The following AGL variants were observed in gnomAD, a reference collection of about 807,000 sequenced individuals.
AGL encodes the protein glycogen debranching enzyme.
A neutral mutation model predicts 199.3 loss-of-function variants in AGL; 128 were observed. The observed-to-expected ratio is 0.64, with a 90% CI of 0.56 to 0.74. AGL has a LOEUF of 0.74. AGL is among the 30% of genes least tolerant of loss of function. The pLI, the probability that AGL is intolerant of heterozygous loss-of-function variation, is 0.00. For missense variants in AGL, 1,809 were observed against 1,820.8 expected (o/e 0.99, Z 0.12); for synonymous variants, 584 against 594.7 (o/e 0.98, Z 0.26).
Position 99,892,606 on chromosome 1 carries a change from A to T in AGL, c.3258A>T (p.Ala1086=), listed in dbSNP as rs779468425. ...AGCAATGTTGTGTTTCTCTAGCTGC[A>T]GGTAAGGAATTATGTACAAGGTTAA... ...EKEQCCVSLA[A]GLPHFSSGIF... The change falls in exon 24 of 34, where the codon GCA becomes GCT. Residue 1086 remains alanine, a splice_region_variant and synonymous_variant. Coordinates refer to ENST00000361915, the MANE Select transcript of AGL (RefSeq NM_000642.3). The T allele has an allele frequency of 6.8e-6, 11 of 1,613,080 alleles. No homozygotes were observed. In the East Asian group the frequency reaches 2.5e-4, roughly 36 times the overall value.
At chr1:99,915,563 T>TG in intron 31 of AGL, 77 bp downstream of exon 31, 1 of 1,246,436 alleles carries the variant, frequency 8.0e-7, no homozygotes, top group Admixed American at 2.1e-5. Context: ...ATTTTTTTTT[T>TG]TTTGCCAGGG....
Position 99,915,481 on chromosome 1 carries a change from T to C in AGL, c.4254T>C (p.Asp1418=), listed in dbSNP as rs1040816633. The change falls in exon 31 of 34, where the codon GAT becomes GAC. Residue 1418 remains aspartate, a synonymous_variant. Transcript: ENST00000361915. ...LLGPLGMKTL[D]PDDMVYCGIY... is the part of the protein sequence containing the mutation. ...GTCCCCTTGGCATGAAAACTTTAGATCCAGAGTAAGTTGGAATATAAGTAT... is the reference window on the plus strand; with the variant it reads ...GTCCCCTTGGCATGAAAACTTTAGACCCAGAGTAAGTTGGAATATAAGTAT... 1.9e-6 allele frequency: 3 copies of C among 1,603,562 alleles called. No homozygotes were observed. The highest frequency in any genetic ancestry group is 2.6e-6 in the Non-Finnish European group (3 of 1,170,792).
chr1:99,897,416 C>T (rs1301879090), intron 25 of AGL, among the ~76,000 whole-genome samples: 1 of 152,180 alleles, frequency 6.6e-6, no homozygotes, highest in Non-Finnish European at 1.5e-5. Flanking sequence ...AAACTTTCAG[C>T]AAAAGGGCAT....
intron 26 of AGL, among the ~76,000 whole-genome samples, chr1:99,901,534 C>T (rs1268720769): frequency 6.6e-6 from 1 of 151,886 alleles, no homozygotes; most frequent in Non-Finnish European, 1.5e-5. Flanking sequence ...TATGGTTTGG[C>T]TTTTTGTGTA....
chr1:99,857,685 G>T (rs1247744771), intron 2 of AGL, among the ~76,000 whole-genome samples: 1 of 151,158 alleles, frequency 6.6e-6, no homozygotes, highest in Non-Finnish European at 1.5e-5. Flanking sequence ...GGCGGCGCGC[G>T]CCTGCAATCG....
chr1:99,860,162 T>C (rs1039951520), intron 2 of AGL, among the ~76,000 whole-genome samples: 17 of 152,118 alleles, frequency 1.1e-4, no homozygotes, highest in African/African-American at 2.4e-5. Flanking sequence ...GAGCATTCTC[T>C]TAGTGTCTTT....
intron 19 of AGL, 53 bp from the exon 20 acceptor site, chr1:99,884,516 A>C: frequency 6.2e-7 from 1 of 1,607,380 alleles, no homozygotes; most frequent in Admixed American, 1.7e-5. Context: ...TATCCTGTTA[A>C]ATTTGAATAA....
At chr1:99,872,666 CTACA>C (rs1651120007) in intron 7 of AGL, among the ~76,000 whole-genome samples, 3 of 151,816 alleles carry the variant, frequency 2.0e-5, no homozygotes, top group South Asian at 2.1e-4. Flanking sequence ...GTAGCTGAAA[CTACA>C]TGCATGCACC....
At chr1:99,878,372 A>T (rs935240311) in intron 12 of AGL, among the ~76,000 whole-genome samples, 2 of 151,986 alleles carry the variant, frequency 1.3e-5, no homozygotes, top group Non-Finnish European at 2.9e-5. Flanking sequence ...TAAATTAAAT[A>T]AAAAATAAAC....
chr1:99,888,198 A>G lies in AGL; in HGVS notation c.2812+90A>G, dbSNP rs541630938. On this transcript the variant is annotated intron_variant, in intron 21 of 33. Coordinates refer to ENST00000361915, the MANE Select transcript of AGL (RefSeq NM_000642.3). ...ACAGACATAGATATAGGCTCAGAGT[A>G]TGCCTACTTGGGTTGCAATTATGGC... The G allele has an allele frequency of 4.0e-3, 6,224 of 1,540,014 alleles. 12 individuals are homozygous for G. The highest frequency in any genetic ancestry group is 5.2e-3 in the Non-Finnish European group (5,824 of 1,128,326).
At chr1:99,911,036 T>C (rs1654719458) in intron 28 of AGL, among the ~76,000 whole-genome samples, 189 bp downstream of exon 28, 1 of 152,184 alleles carries the variant, frequency 6.6e-6, no homozygotes, top group Admixed American at 6.5e-5. Flanking sequence ...AGTAACACTA[T>C]CTGTTCTTTT....
At chr1:99,906,344 A>G (rs1303218839) in intron 27 of AGL, among the ~76,000 whole-genome samples, 1 of 152,208 alleles carries the variant, frequency 6.6e-6, no homozygotes, top group East Asian at 1.9e-4. Context: ...GTTGTAGCAG[A>G]TGTCATAATT....
Position 99,870,818 on chromosome 1 carries a change from C to T in AGL, c.907C>T (p.Gln303Ter), listed in dbSNP as rs145362161. 5 of 1,611,442 alleles carry T rather than the reference C, an allele frequency of 3.1e-6. No individual in the cohort carries two copies. Among genetic ancestry groups the T allele is most frequent in the Non-Finnish European group, 4.2e-6 (5 of 1,178,108 alleles). Reference sequence around the variant, plus strand: ...AAAGCTTAAACTCTGGGAATTTTTCCAAGTAGATGTCAACAAAGCGGTTGA... The same window carrying T: ...AAAGCTTAAACTCTGGGAATTTTTCTAAGTAGATGTCAACAAAGCGGTTGA... ...FPKLKLWEFF[Q>*]VDVNKAVEQF... Residue 303 changes from glutamine (Q) to a stop codon, truncating the protein, a stop_gained, in exon 7 of 34, where the codon CAA (glutamine) becomes TAA (stop). Transcript: ENST00000361915. LOFTEE classifies it high-confidence loss of function.
chr1:99,876,713 AC>A, intron 11 of AGL, 116 bp downstream of exon 11: 1 of 1,243,792 alleles, frequency 8.0e-7, no homozygotes, highest in Non-Finnish European at 1.2e-6. Flanking sequence ...TAAATATTTC[AC>A]CATAAAGGTA....
rs931610893 is a variant in AGL at position 99,892,736 on chromosome 1, T to G, written c.3259+129T>G. ...GATTTTATTTTACCACTTAGTACATTTCATAGATATTCACTCATAAAAATA... is the reference window on the plus strand; with the variant it reads ...GATTTTATTTTACCACTTAGTACATGTCATAGATATTCACTCATAAAAATA... On this transcript the variant is annotated intron_variant, in intron 24 of 33. Transcript: ENST00000361915. The G allele has an allele frequency of 2.1e-5, 18 of 854,600 alleles. 1 individual carries two copies. Among genetic ancestry groups the G allele is most frequent in the Middle Eastern group, 2.8e-4 (1 of 3,574 alleles). 52.9% of individuals were successfully genotyped at this position (854,600 alleles called of 1,614,324 possible). A position where few individuals can be genotyped will look rare whatever the true frequency, so the allele number is the denominator to read the frequency against.
intron 25 of AGL, among the ~76,000 whole-genome samples, chr1:99,897,854 A>G (rs983973981): frequency 3.3e-5 from 5 of 152,158 alleles, no homozygotes; most frequent in African/African-American, 1.2e-4. Flanking sequence ...GCCTAGAGTA[A>G]TATCTGCCAC....
At chr1:99,897,110 C>T (rs1047755616) in intron 25 of AGL, among the ~76,000 whole-genome samples, 3 of 152,202 alleles carry the variant, frequency 2.0e-5, no homozygotes, top group South Asian at 2.1e-4. Context: ...CCACCGTGCC[C>T]GGCCGTAAAA....
Position 99,907,620 on chromosome 1 carries a change from T to G in AGL, c.3701-3092T>G, listed in dbSNP as rs545994628. Among the ~76,000 whole-genome samples the G allele has an allele frequency of 2.0e-5, 3 of 152,254 alleles. No homozygotes were observed. In the South Asian group the frequency reaches 6.2e-4, roughly 32 times the overall value. ...TATATCCTCACCAATACTTGTTTTTTTCTGTGTTTGTTTTTTTGGATTTTG... is the reference window on the plus strand; with the variant it reads ...TATATCCTCACCAATACTTGTTTTTGTCTGTGTTTGTTTTTTTGGATTTTG... On this transcript the variant is annotated intron_variant, in intron 27 of 33. Coordinates refer to ENST00000361915, the MANE Select transcript of AGL (RefSeq NM_000642.3).
intron 18 of AGL, 43 bp downstream of exon 18, chr1:99,884,287 GA>G (rs1195733723): frequency 6.2e-7 from 1 of 1,603,792 alleles, no homozygotes. Context: ...AGCATTTTAA[GA>G]ACATTAGAAC....
Sources: allele counts gnomAD v4.1 joint callset (sites outside exome capture counted in the v4.1 genomes callset), GRCh38; gene constraint gnomAD v4.1.1; transcripts MANE v1.5; gene names NCBI Gene and HGNC (gene_info 2026-07-23, HGNC 2026-07-21).